Variants in EVPL observed in about 807,000 individuals in gnomAD.
The protein encoded by EVPL is 210 kDa cornified envelope precursor protein.
In EVPL, 94 loss-of-function variants were observed where a neutral mutation model predicts 129.7. The observed-to-expected ratio is 0.72, with a 90% confidence interval of 0.61 to 0.86. The LOEUF (loss-of-function observed/expected upper bound fraction) is 0.86, where lower values mean the gene tolerates loss of function less well. EVPL is among the 40% of genes least tolerant of loss of function. The pLI is 0.00. For synonymous variants in EVPL, 1,172 were observed against 1,191.1 expected (o/e 0.98, Z 0.33); for missense variants, 2,625 against 2,721.1 (o/e 0.96, Z 0.79).
chr17:76,012,742 CTTTTT>C (rs56349197), intron 18 of EVPL, among the ~76,000 whole-genome samples: 13 of 117,526 alleles, frequency 1.1e-4, no homozygotes, highest in Admixed American at 1.7e-4. Flanking sequence ...TCTTTCTTTT[CTTTTT>C]TTTTTTTTTT....
At position 76,024,308 on chromosome 17, in the gene EVPL, C is replaced by T. The variant is rs1351492697; in HGVS notation, c.99-188G>A. Among the ~76,000 whole-genome samples, 5 of 152,206 alleles carry T rather than the reference C, an allele frequency of 3.3e-5. No individual in the cohort carries two copies. The highest frequency in any genetic ancestry group is 2.6e-4 in the Admixed American group (4 of 15,280). ...CTGGTTGGGGGTGTTAGCACTGCCCCGCCACATGAGGGGTCAAAAGGTGAG... is the reference window on the plus strand; with the variant it reads ...CTGGTTGGGGGTGTTAGCACTGCCCTGCCACATGAGGGGTCAAAAGGTGAG... On this transcript the variant is annotated intron_variant, in intron 1 of 21. Coordinates refer to ENST00000301607, the MANE Select transcript of EVPL (RefSeq NM_001988.4). This position sits in a 1 kb window ranked among gnomAD's most constrained non-coding sequence, Gnocchi z 4.5.
Position 76,014,930 on chromosome 17 carries a change from G to C in EVPL, c.2208C>G (p.Asp736Glu), listed in dbSNP as rs77540232. 2.6e-3 allele frequency: 4,052 copies of C among 1,585,582 alleles called. 10 individuals carry two copies. The highest frequency in any genetic ancestry group is 2.8e-3 in the Non-Finnish European group (3,213 of 1,165,200). The change falls in exon 17 of 22, where the codon GAC becomes GAG. Residue 736 changes from aspartate to glutamate, a missense_variant. This residue lies in a region of EVPL where 1,024 missense variants were observed against 997.5 expected (regional missense o/e 1.03). Coordinates refer to ENST00000301607, the MANE Select transcript of EVPL (RefSeq NM_001988.4). ...CAGTCGCTCACCGCAGGTCCAGCTGGTCCCCTACGGCGTGGTAGCGGTCGG... is the reference window on the plus strand; with the variant it reads ...CAGTCGCTCACCGCAGGTCCAGCTGCTCCCCTACGGCGTGGTAGCGGTCGG... ...ALTDRYHAVG[D>E]QLDLREKVVQ...
rs2066487571 is a variant in EVPL, at chr17:76,024,780, G to A, written c.99-660C>T. On this transcript the variant is annotated intron_variant, in intron 1 of 21. Coordinates refer to ENST00000301607, the MANE Select transcript of EVPL (RefSeq NM_001988.4). This position sits in a 1 kb window ranked among gnomAD's most constrained non-coding sequence, Gnocchi z 4.5. ...GACTTGCTCTGAGTCACATGGTCAGGGGTGGAGGGGAAACCTTGCTTCCAC... is the reference window on the plus strand; with the variant it reads ...GACTTGCTCTGAGTCACATGGTCAGAGGTGGAGGGGAAACCTTGCTTCCAC... Among the ~76,000 whole-genome samples, 1 of 152,148 alleles carries A rather than the reference G, an allele frequency of 6.6e-6. No individual in the cohort carries two copies. The highest frequency in any genetic ancestry group is 1.5e-5 in the Non-Finnish European group (1 of 68,006).
rs761239779 is a variant in EVPL, at chr17:76,008,988, T to C, written c.4217A>G (p.Glu1406Gly). 1 of 1,611,786 alleles carries C rather than the reference T, an allele frequency of 6.2e-7. No individual in the cohort carries two copies. The highest frequency in any genetic ancestry group is 8.5e-7 in the Non-Finnish European group (1 of 1,179,864). ...DEEVGRRRQL[E>G]LEVQQLRAGV... is the part of the protein sequence containing the mutation. The stretch of plus-strand genomic sequence containing the variant: ...GGCCCGCAGCTGCTGCACCTCAAGC[T>C]CTAGCTGGCGCCGCCGGCCCACCTC... The change falls in exon 22 of 22, where the codon GAG becomes GGG. Residue 1406 changes from glutamate (E) to glycine (G), a missense_variant. Transcript: ENST00000301607. This position sits in a 1 kb window ranked among gnomAD's most constrained non-coding sequence, Gnocchi z 7.4.
Position 76,021,491 on chromosome 17 carries a change from G to T in EVPL, c.988C>A (p.Gln330Lys). Residue 330 changes from glutamine to lysine, a missense_variant, in exon 9 of 22, where the codon CAG (glutamine) becomes AAG (lysine). Transcript: ENST00000301607. ...NLCICQETQL[Q>K]HVEDYRRFQE... ...ACCCGGCGGTAGTCCTCCACGTGCTGCAGCTGGGTCTCCTGGCAGATACAC... is the reference window on the plus strand; with the variant it reads ...ACCCGGCGGTAGTCCTCCACGTGCTTCAGCTGGGTCTCCTGGCAGATACAC... 1 of 1,609,828 alleles carries T rather than the reference G, an allele frequency of 6.2e-7. No homozygotes were observed. The highest frequency in any genetic ancestry group is 8.5e-7 in the Non-Finnish European group (1 of 1,178,760).
rs1460037931 is a variant in EVPL, at chr17:76,023,360, C to T, written c.412G>A (p.Glu138Lys). The part of the protein sequence containing the change: ...QECAEYRALY[E>K]KMVLPPDVGP... ...ACGTCGGGGGGCAGCACCATCTTCTCGTACAGGGCACGGTACTCCGCACAC... is the reference window on the plus strand; with the variant it reads ...ACGTCGGGGGGCAGCACCATCTTCTTGTACAGGGCACGGTACTCCGCACAC... Residue 138 changes from glutamate to lysine, a missense_variant, in exon 4 of 22, where the codon GAG becomes AAG. Glu to Lys is a moderately conservative substitution (Grantham distance 56). Around this residue, in one of 4 missense-constraint regions of EVPL, gnomAD observed 139 missense variants for 186.8 expected, o/e 0.74. Coordinates refer to ENST00000301607, the MANE Select transcript of EVPL (RefSeq NM_001988.4). The T allele has an allele frequency of 2.7e-5, 44 of 1,613,838 alleles. No individual in the cohort carries two copies. Among genetic ancestry groups the T allele is most frequent in the Non-Finnish European group, 3.7e-5 (44 of 1,180,034 alleles).
In EVPL at chr17:76,011,787, C is replaced by G. The variant is rs368294983; in HGVS notation, c.2553G>C (p.Glu851Asp). 163 of 1,612,558 alleles carry G rather than the reference C, an allele frequency of 1.0e-4. 1 individual carries two copies. Among genetic ancestry groups the G allele is most frequent in the South Asian group, 5.6e-4 (51 of 91,006 alleles). The change falls in exon 20 of 22, where the codon GAG becomes GAC. Residue 851 changes from glutamate to aspartate, a missense_variant. Transcript: ENST00000301607. ...CCCATCTCACCTGGGCTTGGATGCTCTCTTGCAGGGGAGCCACTCGGGGTC... is the reference window on the plus strand; with the variant it reads ...CCCATCTCACCTGGGCTTGGATGCTGTCTTGCAGGGGAGCCACTCGGGGTC... ...PKRPRVAPLQ[E>D]SIQAQEKNLA...
At chr17:76,011,472 G>A (rs771317830) in intron 21 of EVPL, 104 bp downstream of exon 21, 11 of 1,028,244 alleles carry the variant, frequency 1.1e-5, no homozygotes, top group Non-Finnish European at 1.7e-5. Context: ...AGGGAGAGGA[G>A]GGAAGGAGAC....
Position 76,021,905 on chromosome 17 carries a change from G to T in EVPL, c.769C>A (p.Leu257Ile), listed in dbSNP as rs1225994082. 6.4e-7 allele frequency: 1 copy of T among 1,561,232 alleles called. No homozygotes were observed. The highest frequency in any genetic ancestry group is 8.6e-7 in the Non-Finnish European group (1 of 1,160,698). The change falls in exon 7 of 22, where the codon CTC becomes ATC. Residue 257 changes from leucine to isoleucine, a missense_variant. Leu to Ile is a conservative substitution (Grantham distance 5, BLOSUM62 2). Around this residue, in one of 4 missense-constraint regions of EVPL, gnomAD observed 1,024 missense variants for 997.5 expected, o/e 1.03. Transcript: ENST00000301607. The part of the protein sequence containing the change: ...RRILQQDWSD[L>I]MADPAGVRRE... ...CGCACGCCCGCAGGGTCGGCCATGA[G>T]GTCGCTCCAGTCCTGCTGCAGGATG...
chr17:76,012,310 C>CTTTTTTT, intron 18 of EVPL: 9 of 385,148 alleles, frequency 2.3e-5, no homozygotes, highest in South Asian at 1.3e-4. Flanking sequence ...CCTTTCTTTC[C>CTTTTTTT]TTTTTTTTTT....
In EVPL at chr17:76,008,538, T is replaced by A; in HGVS notation, c.4667A>T (p.Glu1556Val). 6.2e-7 allele frequency: 1 copy of A among 1,607,594 alleles called. No individual in the cohort carries two copies. Among genetic ancestry groups the A allele is most frequent in the South Asian group, 1.1e-5 (1 of 91,028 alleles). Reference sequence around the variant, plus strand: ...AATGCGCTCCCGCAGGCGCCGTGCCTCCTCCTCCCGGGCCTGCCGGGCCGT... The same window carrying A: ...AATGCGCTCCCGCAGGCGCCGTGCCACCTCCTCCCGGGCCTGCCGGGCCGT... ...ERTARQAREE[E>V]ARRLRERIDR... is the part of the protein sequence containing the mutation. Residue 1556 changes from glutamate (E) to valine (V), a missense_variant, in exon 22 of 22, where the codon GAG becomes GTG. Coordinates refer to ENST00000301607, the MANE Select transcript of EVPL (RefSeq NM_001988.4). This position sits in a 1 kb window ranked among gnomAD's most constrained non-coding sequence, Gnocchi z 7.4.
At chr17:76,020,613 C>T (rs1268019701) in intron 9 of EVPL, among the ~76,000 whole-genome samples, 1 of 83,240 alleles carries the variant, frequency 1.2e-5, no homozygotes, top group African/African-American at 4.1e-5. Context: ...GTTTCTCAAC[C>T]GTTTTTTTTT....
In EVPL at chr17:76,024,598, C is replaced by T. The variant is rs1012290093; in HGVS notation, c.99-478G>A. 6.6e-6 allele frequency among the ~76,000 whole-genome samples: 1 copy of T among 152,044 alleles called. No homozygotes were observed. The highest frequency in any genetic ancestry group is 2.4e-5 in the African/African-American group (1 of 41,398). Reference sequence around the variant, plus strand: ...ACTCCAGCCCTGTGTTCCCCTATACCTCCTCCACCCCAGGGAGCCTTGCCA... The same window carrying T: ...ACTCCAGCCCTGTGTTCCCCTATACTTCCTCCACCCCAGGGAGCCTTGCCA... On this transcript the variant is annotated intron_variant, in intron 1 of 21. Transcript: ENST00000301607. This position sits in a 1 kb window ranked among gnomAD's most constrained non-coding sequence, Gnocchi z 4.5.
chr17:76,025,415 T>C (rs1255336893), intron 1 of EVPL, among the ~76,000 whole-genome samples: 1 of 152,054 alleles, frequency 6.6e-6, no homozygotes, highest in Non-Finnish European at 1.5e-5. Context: ...GGATCGCACG[T>C]GAGGGGAGAG....
rs751323857 is a variant in EVPL, at chr17:76,010,294, T to C, written c.2911A>G (p.Ser971Gly). The change falls in exon 22 of 22, where the codon AGC (serine) becomes GGC (glycine). Residue 971 changes from serine to glycine, a missense_variant. Physicochemically the swap from Ser to Gly is moderately conservative, Grantham distance 56 (BLOSUM62 0). This residue lies in a region of EVPL where 1,453 missense variants were observed against 1,511.8 expected (regional missense o/e 0.96). Transcript: ENST00000301607. ...EFYRDPQLEG[S>G]LSRVKAQVEE... ...ACCTGGGCCTTCACCCTGGACAGGC[T>C]GCCCTCCAGCTGGGGGTCCCGGTAG... 1.1e-5 allele frequency: 18 copies of C among 1,613,974 alleles called. No homozygotes were observed. The highest frequency in any genetic ancestry group is 3.4e-6 in the Non-Finnish European group (4 of 1,180,018).
intron 10 of EVPL, 106 bp downstream of exon 10, chr17:76,019,422 G>A: frequency 7.2e-7 from 1 of 1,396,640 alleles, no homozygotes; most frequent in Non-Finnish European, 9.5e-7. Context: ...CCAGGCCAGG[G>A]CTTGGGATAG....
At chr17:76,014,164 T>C (rs137949226) in intron 18 of EVPL, among the ~76,000 whole-genome samples, 1 of 152,302 alleles carries the variant, frequency 6.6e-6, no homozygotes, top group East Asian at 1.9e-4. Context: ...GCCTGGTACA[T>C]GGCAGGGGCT....
In EVPL at chr17:76,012,233, C is replaced by G. The variant is rs909460195; in HGVS notation, c.2374-144G>C. The G allele has an allele frequency of 6.8e-6, 4 of 591,442 alleles. No individual in the cohort carries two copies. The African/African-American group carries it at 7.5e-5, about 11-fold the overall frequency. 36.6% of individuals were successfully genotyped at this position (591,442 alleles called of 1,614,324 possible). A position where few individuals can be genotyped will look rare whatever the true frequency, so the allele number is the denominator to read the frequency against. ...CAGGGAGGGAGACCTGGGCCAAACT[C>G]CCTCCTTTCCCTGACATCATTCTCT... On this transcript the variant is annotated intron_variant, in intron 18 of 21. Transcript: ENST00000301607.
chr17:76,011,068 A>C (rs2066373137), intron 21 of EVPL, among the ~76,000 whole-genome samples: 2 of 152,332 alleles, frequency 1.3e-5, no homozygotes, highest in African/African-American at 2.4e-5. Flanking sequence ...TCTCAAAAAA[A>C]ACAAAAAACA....
Sources: allele counts gnomAD v4.1 joint callset (sites outside exome capture counted in the v4.1 genomes callset), GRCh38; gene constraint gnomAD v4.1.1; regional missense constraint gnomAD v4.1.1; non-coding constraint Gnocchi (gnomAD v3.1); transcripts MANE v1.5; gene names NCBI Gene and HGNC (gene_info 2026-07-23, HGNC 2026-07-21).